The following C1orf141 variants were observed in gnomAD, a reference collection of about 807,000 sequenced individuals.
C1orf141 encodes the protein chromosome 1 open reading frame 141, also known as uncharacterized protein C1orf141.
C1orf141 carries 19 observed loss-of-function variants against 23.2 expected under a neutral mutation model. The observed-to-expected ratio is 0.82, with a 90% CI of 0.57 to 1.20. The LOEUF (loss-of-function observed/expected upper bound fraction) is 1.20, where lower values mean the gene tolerates loss of function less well. Among genes scored for constraint, C1orf141 ranks in the 50% most tolerant of loss-of-function variants. The pLI is 0.00. For missense variants in C1orf141, 469 were observed against 455.1 expected, an observed-to-expected ratio of 1.03 and a Z score of -0.28; for synonymous variants, 153 against 154.6, an observed-to-expected ratio of 0.99 and a Z score of 0.08.
chr1:67,135,906 C>CAAAAAAAAAAAAAAAA (rs59519661), upstream of C1orf141, among the ~76,000 whole-genome samples: 6 of 62,590 alleles, frequency 9.6e-5, 1 homozygote, highest in African/African-American at 3.8e-4. Context: ...GGCAAAACTG[C>CAAAAAAAAAAAAAAAA]AAAAAAAAAA....
At chr1:67,122,037 T>C (rs974803365) in intron 4 of C1orf141, 3 of 152,198 alleles carry the variant, frequency 2.0e-5, no homozygotes, top group Admixed American at 2.0e-4. Flanking sequence ...AACTGCTTTA[T>C]TACTATTACT....
Position 67,128,828 on chromosome 1 carries a change from A to G in C1orf141, c.-17-1571T>C, listed in dbSNP as rs376887015. Reference sequence around the variant, plus strand: ...GTTCACAGAAAGTACAGAATCATCAATGTTTTCAATGAATATTAATGTTAA... The same window carrying G: ...GTTCACAGAAAGTACAGAATCATCAGTGTTTTCAATGAATATTAATGTTAA... On this transcript the variant is annotated intron_variant, in intron 2 of 7. Coordinates refer to ENST00000684719, the MANE Select transcript of C1orf141 (RefSeq NM_001276351.2). Among the ~76,000 whole-genome samples, 16 of 152,334 alleles carry G rather than the reference A, an allele frequency of 1.1e-4. No individual in the cohort carries two copies. The East Asian group carries it at 3.1e-3, about 29-fold the overall frequency.
chr1:67,112,068 G>C (rs1405458939), intron 5 of C1orf141, among the ~76,000 whole-genome samples: 1 of 152,146 alleles, frequency 6.6e-6, no homozygotes, highest in East Asian at 1.9e-4. Context: ...AAGTAAGTAT[G>C]GTGCAGGGGT....
intron 5 of C1orf141, among the ~76,000 whole-genome samples, chr1:67,100,024 T>C (rs1366926881): frequency 6.6e-6 from 1 of 152,228 alleles, no homozygotes; most frequent in African/African-American, 2.4e-5. Context: ...TTAACTTTGC[T>C]TTACTGAGGT....
upstream of C1orf141, chr1:67,138,874 C>T (rs1054563192): frequency 3.3e-5 from 5 of 152,310 alleles, no homozygotes; most frequent in African/African-American, 1.2e-4. Flanking sequence ...ACACCCTGAC[C>T]ACAGTGACTG....
chr1:67,102,307 C>CGT (rs57508145), intron 5 of C1orf141, among the ~76,000 whole-genome samples: 4,527 of 139,626 alleles, frequency 0.032, 151 homozygotes, highest in African/African-American at 0.088. Flanking sequence ...TCTTCTGCTC[C>CGT]GTGTGTGTGT....
At chr1:67,107,746 C>A (rs1320102047) in intron 5 of C1orf141, among the ~76,000 whole-genome samples, 1 of 152,186 alleles carries the variant, frequency 6.6e-6, no homozygotes, top group East Asian at 1.9e-4. Context: ...AACAATTAGC[C>A]GGGCGTGGTG....
intron 2 of C1orf141, among the ~76,000 whole-genome samples, chr1:67,128,059 C>T (rs1646449795): frequency 6.6e-6 from 1 of 152,166 alleles, no homozygotes; most frequent in African/African-American, 2.4e-5. Flanking sequence ...TGATCCAAGA[C>T]TGTTAACAGC....
At chr1:67,140,914 A>G (rs540132105) in intron 1 of C1orf141, among the ~76,000 whole-genome samples, 3 of 152,304 alleles carry the variant, frequency 2.0e-5, no homozygotes, top group Admixed American at 2.0e-4. Flanking sequence ...TCTGATCAAG[A>G]TCACAAATCT....
intron 5 of C1orf141, among the ~76,000 whole-genome samples, chr1:67,106,631 C>T (rs1363295284): frequency 1.3e-5 from 2 of 152,168 alleles, no homozygotes; most frequent in African/African-American, 2.4e-5. Flanking sequence ...GCACTCCAGC[C>T]TGGGTGACAG....
intron 5 of C1orf141, among the ~76,000 whole-genome samples, chr1:67,107,409 T>G (rs1645953945): frequency 6.6e-6 from 1 of 152,090 alleles, no homozygotes; most frequent in African/African-American, 2.4e-5. Context: ...ACATTAAACA[T>G]TAATAAAATA....
intron 2 of C1orf141, among the ~76,000 whole-genome samples, chr1:67,130,399 C>T (rs1349151353): frequency 6.6e-6 from 1 of 152,162 alleles, no homozygotes; most frequent in African/African-American, 2.4e-5. Context: ...AACAATGCTG[C>T]TCATTTGTGA....
chr1:67,135,109 T>G (rs959558051), upstream of C1orf141: 1 of 152,352 alleles, frequency 6.6e-6, no homozygotes, highest in African/African-American at 2.4e-5. Flanking sequence ...CTTTTGTCAC[T>G]AAAAGCCCAG....
chr1:67,126,886 A>G (rs1221471487), intron 3 of C1orf141, among the ~76,000 whole-genome samples: 2 of 152,258 alleles, frequency 1.3e-5, no homozygotes, highest in Admixed American at 6.5e-5. Flanking sequence ...GCAAATGTCC[A>G]TAGCAGCTTT....
chr1:67,132,332 A>T (rs1041859429), intron 1 of C1orf141, among the ~76,000 whole-genome samples: 1 of 152,058 alleles, frequency 6.6e-6, no homozygotes, highest in Non-Finnish European at 1.5e-5. Flanking sequence ...CTGCCTGGCC[A>T]ACATGGTGAA....
At chr1:67,133,267 T>A (rs1166616593) in intron 1 of C1orf141, among the ~76,000 whole-genome samples, 1 of 152,118 alleles carries the variant, frequency 6.6e-6, no homozygotes, top group Non-Finnish European at 1.5e-5. Flanking sequence ...CCTGAGAAAT[T>A]ATCTAGAAAA....
At chr1:67,134,192 C>G (rs1249919685) in intron 1 of C1orf141, among the ~76,000 whole-genome samples, 1 of 152,134 alleles carries the variant, frequency 6.6e-6, no homozygotes, top group Non-Finnish European at 1.5e-5. Flanking sequence ...TTAGTAGAGA[C>G]GGGGTTTCGC....
rs182783858 is a variant in C1orf141 at position 67,103,255 on chromosome 1, T to A, written c.347-6934A>T. On this transcript the variant is annotated intron_variant, in intron 5 of 7. Transcript: ENST00000684719. The stretch of plus-strand genomic sequence containing the variant: ...TTGTATACCTGTAAATAAAGTAGAG[T>A]CTTTTTCCTTTTTATGAGCATTAGA... The A allele has an allele frequency of 7.5e-3, 10,704 of 1,435,234 alleles. 60 individuals carry two copies. The highest frequency in any genetic ancestry group is 0.021 in the Middle Eastern group (113 of 5,428). The allele number at this position is 1,435,234 out of a possible 1,614,324, so 88.9% of individuals were successfully genotyped here.
chr1:67,132,155 C>A (rs1042371123), intron 1 of C1orf141, among the ~76,000 whole-genome samples: 1 of 151,396 alleles, frequency 6.6e-6, no homozygotes, highest in Admixed American at 6.6e-5. Context: ...CTCCTGGCCT[C>A]AAGCAATCCT....
Sources: gnomAD v4.1 joint callset for allele counts (sites outside exome capture counted in the v4.1 genomes callset) on GRCh38, gnomAD v4.1.1 for gene constraint, MANE v1.5 for transcripts, NCBI Gene and HGNC (gene_info 2026-07-23, HGNC 2026-07-21) for gene names.